STPG2: variants seen among roughly 807,000 people sequenced by gnomAD.
STPG2 encodes the protein sperm tail PG-rich repeat containing 2, also known as sperm-tail PG-rich repeat-containing protein 2.
Under a neutral mutation model 54.2 loss-of-function variants are expected in STPG2, and 56 were observed. That is an observed-to-expected ratio of 1.03 (90% confidence interval 0.83 to 1.29). The LOEUF is 1.29. STPG2 is among the 50% of genes most tolerant of loss of function. The pLI is 0.00. For missense variants in STPG2, 596 were observed against 544.9 expected, an observed-to-expected ratio of 1.09 and a Z score of -0.93; for synonymous variants, 200 against 181.8, an observed-to-expected ratio of 1.10 and a Z score of -0.81.
chr4:97,976,630 G>A (rs1734507475), intron 6 of STPG2, among the ~76,000 whole-genome samples: 1 of 152,080 alleles, frequency 6.6e-6, no homozygotes, highest in African/African-American at 2.4e-5. Context: ...CTCCACAGTA[G>A]GTGGTCAAAT....
intron 5 of STPG2, among the ~76,000 whole-genome samples, chr4:98,038,659 G>T (rs1187280684): frequency 6.6e-6 from 1 of 151,680 alleles, no homozygotes; most frequent in Middle Eastern, 3.4e-3. Flanking sequence ...TCTCAAAAAA[G>T]ATACCAAAAA....
intron 10 of STPG2, among the ~76,000 whole-genome samples, chr4:97,646,947 G>A (rs77900392): frequency 0.012 from 1,877 of 152,138 alleles, 33 homozygotes; most frequent in African/African-American, 0.043. Flanking sequence ...TAGGCGTCTC[G>A]ATAAGCAGAG....
intron 9 of STPG2, among the ~76,000 whole-genome samples, chr4:97,800,952 A>G (rs894657397): frequency 3.3e-5 from 5 of 152,184 alleles, no homozygotes; most frequent in Non-Finnish European, 7.3e-5. Flanking sequence ...GCAATGAGCA[A>G]GGCTCCGTGG....
chr4:98,022,210 C>T (rs1368870636), intron 5 of STPG2, among the ~76,000 whole-genome samples: 1 of 152,048 alleles, frequency 6.6e-6, no homozygotes, highest in African/African-American at 2.4e-5. Context: ...TAGGGCAGGT[C>T]TGGTGGTGAC....
intron 8 of STPG2, among the ~76,000 whole-genome samples, chr4:97,942,500 G>GAAA (rs368067351): frequency 0.43 from 65,839 of 151,410 alleles, 14,638 homozygotes; most frequent in Admixed American, 0.54. Context: ...ACTGTCTTTT[G>GAAA]AATTTATAAT....
At chr4:97,924,314 T>C (rs1578696284) in intron 8 of STPG2, among the ~76,000 whole-genome samples, 1 of 152,340 alleles carries the variant, frequency 6.6e-6, no homozygotes, top group South Asian at 2.1e-4. Flanking sequence ...AGGATGTTAC[T>C]TAATAAAAAC....
intron 10 of STPG2, among the ~76,000 whole-genome samples, chr4:97,637,123 A>G (rs1721573589): frequency 1.3e-5 from 2 of 152,222 alleles, no homozygotes; most frequent in Middle Eastern, 3.2e-3. Context: ...ATCCAGCAGC[A>G]CATCAAAAAG....
chr4:97,585,504 T>C (rs1320609694), intron 10 of STPG2, among the ~76,000 whole-genome samples: 1 of 151,850 alleles, frequency 6.6e-6, no homozygotes, highest in African/African-American at 2.4e-5. Flanking sequence ...CCCTTGCCCA[T>C]CTAAAAAAAA....
At chr4:97,636,296 G>T (rs1187163536) in intron 10 of STPG2, among the ~76,000 whole-genome samples, 4 of 145,974 alleles carry the variant, frequency 2.7e-5, no homozygotes, top group African/African-American at 1.0e-4. Context: ...AAACCAACGA[G>T]AACAAAGATA....
chr4:98,097,230 C>T (rs186207928), intron 5 of STPG2, among the ~76,000 whole-genome samples: 1 of 152,130 alleles, frequency 6.6e-6, no homozygotes, highest in Admixed American at 6.5e-5. Flanking sequence ...AAATCCTCAA[C>T]AAATACTAGC....
At chr4:97,606,071 A>G (rs759445554) in intron 10 of STPG2, among the ~76,000 whole-genome samples, 1 of 151,844 alleles carries the variant, frequency 6.6e-6, no homozygotes, top group Non-Finnish European at 1.5e-5. Context: ...CTTCTTTAGA[A>G]TGATTTGAAA....
chr4:98,126,329 G>C (rs538831620), intron 3 of STPG2, among the ~76,000 whole-genome samples: 1 of 152,232 alleles, frequency 6.6e-6, no homozygotes, highest in Non-Finnish European at 1.5e-5. Context: ...GCCAACCTGA[G>C]TGGCCCCCGT....
At chr4:98,007,309 C>T (rs1735606588) in intron 5 of STPG2, among the ~76,000 whole-genome samples, 2 of 152,174 alleles carry the variant, frequency 1.3e-5, no homozygotes, top group Admixed American at 6.5e-5. Flanking sequence ...GCCTGGTACA[C>T]CACCACTACA....
intron 10 of STPG2, among the ~76,000 whole-genome samples, chr4:97,599,689 T>C (rs1733403723): frequency 6.6e-6 from 1 of 151,640 alleles, no homozygotes; most frequent in Non-Finnish European, 1.5e-5. Flanking sequence ...CAGGGCGTGG[T>C]GGCGGGCACC....
chr4:97,609,745 A>C (rs572434495), intron 10 of STPG2, among the ~76,000 whole-genome samples: 1 of 152,120 alleles, frequency 6.6e-6, no homozygotes, highest in Admixed American at 6.6e-5. Flanking sequence ...AGGGATCTCT[A>C]AAAATTTAGA....
At chr4:97,570,486 A>G (rs1361779266) in intron 10 of STPG2, among the ~76,000 whole-genome samples, 2 of 152,132 alleles carry the variant, frequency 1.3e-5, no homozygotes, top group Non-Finnish European at 2.9e-5. Flanking sequence ...AAAGCAGGCC[A>G]AAGATAAAAG....
chr4:97,676,801 T>C (rs1722865827), intron 10 of STPG2, among the ~76,000 whole-genome samples: 1 of 152,192 alleles, frequency 6.6e-6, no homozygotes, highest in Admixed American at 6.5e-5. Context: ...GATAAATTAA[T>C]TAAATTTAAA....
At chr4:97,953,944 A>C (rs1184929456) in intron 7 of STPG2, among the ~76,000 whole-genome samples, 5 of 152,200 alleles carry the variant, frequency 3.3e-5, no homozygotes, top group Admixed American at 1.3e-4. Flanking sequence ...AGGCATTGTA[A>C]CACTTGCCTC....
chr4:97,491,114 C>T (rs1440587929), intron 4 of STPG2, among the ~76,000 whole-genome samples: 1 of 151,218 alleles, frequency 6.6e-6, no homozygotes, highest in Non-Finnish European at 1.5e-5. Context: ...GACCTAAGTC[C>T]ACCATTTCAA....
Sources: gnomAD v4.1 joint callset for allele counts (sites outside exome capture counted in the v4.1 genomes callset) on GRCh38, gnomAD v4.1.1 for gene constraint, MANE v1.5 for transcripts, NCBI Gene and HGNC (gene_info 2026-07-23, HGNC 2026-07-21) for gene names.